The following KCNH1 variants were observed in gnomAD, a reference collection of about 807,000 sequenced individuals.
KCNH1 encodes the protein voltage-gated delayed rectifier potassium channel KCNH1.
A neutral mutation model predicts 69.2 loss-of-function variants in KCNH1; 27 were observed. The observed-to-expected ratio is 0.39, with a 90% CI of 0.29 to 0.54. The LOEUF is 0.54. Ranked by LOEUF, KCNH1 falls within the 20% of genes least tolerant of loss-of-function variation. The probability of loss-of-function intolerance (pLI) is 0.68; values close to 1 mark genes in which losing one functional copy is unlikely to be tolerated. For missense variants in KCNH1, 798 were observed against 1,261.6 expected, an observed-to-expected ratio of 0.63 and a Z score of 5.57; for synonymous variants, 456 against 487.7, an observed-to-expected ratio of 0.93 and a Z score of 0.86.
chr1:211,029,334 TAAAAA>T (rs58241322), intron 5 of KCNH1, among the ~76,000 whole-genome samples: 379 of 23,138 alleles, frequency 0.016, 8 homozygotes, highest in African/African-American at 0.071. Context: ...TCCTGTCACT[TAAAAA>T]AAAAAAAAAA....
intron 10 of KCNH1, among the ~76,000 whole-genome samples, chr1:210,765,255 T>C (rs751923198): frequency 1.3e-5 from 2 of 151,966 alleles, no homozygotes; most frequent in Admixed American, 1.3e-4. Context: ...GGGGTAATGG[T>C]GGCGGGTGGA....
chr1:210,852,240 G>T (rs1685721666), intron 7 of KCNH1, among the ~76,000 whole-genome samples: 1 of 152,074 alleles, frequency 6.6e-6, no homozygotes, highest in Non-Finnish European at 1.5e-5. Context: ...ATAGGCAAAG[G>T]CCCAGAGGGA....
chr1:211,071,918 G>A (rs926389155), intron 5 of KCNH1, among the ~76,000 whole-genome samples: 1 of 152,046 alleles, frequency 6.6e-6, no homozygotes, highest in African/African-American at 2.4e-5. Context: ...GGTATTTAAA[G>A]AGTTGGGAGG....
At position 210,683,631 on chromosome 1, in the gene KCNH1, G is replaced by T. The variant is rs762954106; in HGVS notation, c.2620C>A (p.Leu874Met). 1 of 1,614,098 alleles carries T rather than the reference G, an allele frequency of 6.2e-7. No homozygotes were observed. Among genetic ancestry groups the T allele is most frequent in the Non-Finnish European group, 8.5e-7 (1 of 1,180,046 alleles). ...CTGTCACACGAGTCTGTCTTCTTCA[G>T]TGTGGCCTCGCCTGACGCTTTTGTC... ...ERTKASGEAT[L>M]KKTDSCDSGI... is the part of the protein sequence containing the mutation. Residue 874 changes from leucine to methionine, a missense_variant, in exon 11 of 11, where the codon CTG becomes ATG. Leu to Met is a conservative substitution (Grantham distance 15, BLOSUM62 2). This residue lies in a region of KCNH1 where 331 missense variants were observed against 363.2 expected (regional missense o/e 0.91). Coordinates refer to ENST00000271751, the MANE Select transcript of KCNH1 (RefSeq NM_172362.3). The surrounding 1 kb of genome is among the most constrained non-coding windows in gnomAD (Gnocchi z 5.7).
intron 9 of KCNH1, among the ~76,000 whole-genome samples, chr1:210,777,392 A>G (rs1002181234): frequency 1.3e-5 from 2 of 152,222 alleles, no homozygotes; most frequent in Non-Finnish European, 2.9e-5. Flanking sequence ...AATAGGATAC[A>G]TGCTTGGGGT....
intron 6 of KCNH1, among the ~76,000 whole-genome samples, chr1:210,948,409 C>G (rs912024628): frequency 1.3e-5 from 2 of 152,040 alleles, no homozygotes; most frequent in Non-Finnish European, 2.9e-5. Flanking sequence ...AATGAAAAAT[C>G]ATTGAGTTAA....
chr1:211,110,842 T>C (rs1454799422), intron 1 of KCNH1, among the ~76,000 whole-genome samples: 3 of 152,086 alleles, frequency 2.0e-5, no homozygotes, highest in Non-Finnish European at 4.4e-5. Context: ...TTAACAGAAG[T>C]CAACAGATAA....
At chr1:210,949,319 C>T (rs1688019773) in intron 6 of KCNH1, among the ~76,000 whole-genome samples, 1 of 152,160 alleles carries the variant, frequency 6.6e-6, no homozygotes, top group Non-Finnish European at 1.5e-5. Flanking sequence ...CTTGCTTATT[C>T]CTCAGCTTTG....
intron 6 of KCNH1, among the ~76,000 whole-genome samples, chr1:210,945,598 G>T (rs922829608): frequency 3.9e-5 from 6 of 152,078 alleles, no homozygotes; most frequent in Admixed American, 2.6e-4. Flanking sequence ...GGTCCCCAAG[G>T]TCCATAAATT....
chr1:210,683,259 A>G lies in KCNH1; in HGVS notation c.*22T>C. On this transcript the variant is annotated 3_prime_UTR_variant, in exon 11 of 11. Coordinates refer to ENST00000271751, the MANE Select transcript of KCNH1 (RefSeq NM_172362.3). The surrounding 1 kb of genome is among the most constrained non-coding windows in gnomAD (Gnocchi z 5.7). ...GCAGGGTTGGAGGTATCTGTCTCTG[A>G]CTTTTTTTTTAAATAGACCTCTCAG... 1 of 1,604,164 alleles carries G rather than the reference A, an allele frequency of 6.2e-7. No individual in the cohort carries two copies. The highest frequency in any genetic ancestry group is 1.1e-5 in the South Asian group (1 of 90,006).
At chr1:210,873,976 A>T (rs1188608763) in intron 7 of KCNH1, among the ~76,000 whole-genome samples, 4 of 152,200 alleles carry the variant, frequency 2.6e-5, no homozygotes, top group Non-Finnish European at 5.9e-5. Flanking sequence ...GGTCTAACTT[A>T]GTTTTGATAG....
At chr1:210,852,765 C>T (rs1028090622) in intron 7 of KCNH1, among the ~76,000 whole-genome samples, 1 of 152,076 alleles carries the variant, frequency 6.6e-6, no homozygotes, top group African/African-American at 2.4e-5. Flanking sequence ...TCCATGGTTC[C>T]CTTACTTTCA....
intron 9 of KCNH1, among the ~76,000 whole-genome samples, chr1:210,780,076 T>C (rs949739353): frequency 6.6e-6 from 1 of 151,996 alleles, no homozygotes; most frequent in Non-Finnish European, 1.5e-5. Context: ...TAGGGTGAAA[T>C]GGGATTACCA....
At chr1:210,873,580 C>T (rs1686299635) in intron 7 of KCNH1, among the ~76,000 whole-genome samples, 1 of 152,046 alleles carries the variant, frequency 6.6e-6, no homozygotes, top group East Asian at 1.9e-4. Flanking sequence ...AACTCCTGAC[C>T]TCAGCCATCC....
At chr1:210,930,835 G>A (rs1687667360) in intron 6 of KCNH1, among the ~76,000 whole-genome samples, 1 of 151,930 alleles carries the variant, frequency 6.6e-6, no homozygotes, top group Non-Finnish European at 1.5e-5. Flanking sequence ...AAATCAGCAA[G>A]AAAAAACAAA....
At chr1:210,799,215 A>G (rs11119604) in intron 8 of KCNH1, among the ~76,000 whole-genome samples, 28,572 of 152,170 alleles carry the variant, frequency 0.19, 3,006 homozygotes, top group African/African-American at 0.28. Flanking sequence ...ACTGTATGAT[A>G]TAAGTGCTAT....
intron 5 of KCNH1, among the ~76,000 whole-genome samples, chr1:211,049,908 C>T (rs1405921290): frequency 1.3e-5 from 2 of 152,158 alleles, no homozygotes; most frequent in Non-Finnish European, 2.9e-5. Flanking sequence ...TGTCATCTCC[C>T]TGGACAGTGG....
chr1:211,122,160 G>C (rs929741299), intron 1 of KCNH1, among the ~76,000 whole-genome samples: 9 of 151,724 alleles, frequency 5.9e-5, no homozygotes, highest in Non-Finnish European at 1.2e-4. Context: ...TCGAAAAGTG[G>C]ACAAAGGATA....
chr1:211,069,559 G>C (rs980356543), intron 5 of KCNH1, among the ~76,000 whole-genome samples: 4 of 152,106 alleles, frequency 2.6e-5, no homozygotes, highest in Admixed American at 1.3e-4. Context: ...CAAAATGCTG[G>C]AGATAAGAAA....
Sources: allele counts gnomAD v4.1 joint callset (sites outside exome capture counted in the v4.1 genomes callset), GRCh38; gene constraint gnomAD v4.1.1; regional missense constraint gnomAD v4.1.1; non-coding constraint Gnocchi (gnomAD v3.1); transcripts MANE v1.5; gene names NCBI Gene and HGNC (gene_info 2026-07-23, HGNC 2026-07-21).